Variants in USH2A observed in about 807,000 individuals in gnomAD.
The protein encoded by USH2A is Usher syndrome 2A (autosomal recessive, mild).
Under a neutral mutation model 538.9 loss-of-function variants are expected in USH2A, and 443 were observed. The ratio of observed to expected loss-of-function variants is 0.82; its 90% CI spans 0.76 to 0.89. The LOEUF is 0.89. Ranked by LOEUF, USH2A falls within the 40% of genes least tolerant of loss-of-function variation. The probability of loss-of-function intolerance (pLI) is 0.00; values close to 1 mark genes in which losing one functional copy is unlikely to be tolerated. For missense variants in USH2A, 6,633 were observed against 6,324.8 expected (o/e 1.05, Z -1.65); for synonymous variants, 2,413 against 2,273.5 (o/e 1.06, Z -1.75).
At chr1:216,038,444 C>A (rs544206932) in intron 32 of USH2A, among the ~76,000 whole-genome samples, 25 of 151,846 alleles carry the variant, frequency 1.6e-4, no homozygotes, top group Non-Finnish European at 2.9e-5. Context: ...AAATTGAAAT[C>A]CTCACATTTT....
At chr1:215,886,057 AAGATGTT>A (rs1665045575) in intron 41 of USH2A, among the ~76,000 whole-genome samples, 1 of 152,198 alleles carries the variant, frequency 6.6e-6, no homozygotes, top group Admixed American at 6.5e-5. Flanking sequence ...GGCACTTACA[AAGATGTT>A]CACTCATGTA....
Position 215,674,083 on chromosome 1 carries a change from G to A in USH2A, c.13811+17C>T, listed in dbSNP as rs368044257. ...AGCAGTGGCTTACTCTCAGAAAACC[G>A]AGACATGGCTACCTACCTGTGAAAT... On this transcript the variant is annotated intron_variant, in intron 63 of 71. Coordinates refer to ENST00000307340, the MANE Select transcript of USH2A (RefSeq NM_206933.4). 13 of 1,613,700 alleles carry A rather than the reference G, an allele frequency of 8.1e-6. No homozygotes were observed. The highest frequency in any genetic ancestry group is 8.5e-6 in the Non-Finnish European group (10 of 1,179,978).
chr1:216,024,675 T>C (rs567640727), intron 32 of USH2A, among the ~76,000 whole-genome samples: 27 of 152,142 alleles, frequency 1.8e-4, no homozygotes, highest in African/African-American at 6.0e-4. Flanking sequence ...CATTTATTAA[T>C]TCCATAAGTA....
chr1:215,627,413 C>CTTCCTTCCTTCTTTCCTTCCTTCT (rs1558027236), intron 71 of USH2A, among the ~76,000 whole-genome samples: 2 of 109,086 alleles, frequency 1.8e-5, no homozygotes, highest in African/African-American at 7.1e-5. Context: ...TCCTTCCTTC[C>CTTCCTTCCTTCTTTCCTTCCTTCT]TTCCTTCCTT....
At chr1:215,932,287 A>G (rs1279620170) in intron 38 of USH2A, among the ~76,000 whole-genome samples, 2 of 152,046 alleles carry the variant, frequency 1.3e-5, no homozygotes, top group Non-Finnish European at 2.9e-5. Flanking sequence ...ATATTGGTCC[A>G]TTTATTATTC....
intron 32 of USH2A, among the ~76,000 whole-genome samples, chr1:216,011,345 AC>A (rs1279966012): frequency 6.6e-6 from 1 of 152,084 alleles, no homozygotes; most frequent in Admixed American, 6.6e-5. Flanking sequence ...TCAGCAAATT[AC>A]CTGGGCTGTA....
intron 61 of USH2A, among the ~76,000 whole-genome samples, chr1:215,697,046 G>T (rs1201951884): frequency 1.3e-5 from 2 of 151,934 alleles, no homozygotes; most frequent in African/African-American, 4.8e-5. Flanking sequence ...TTGACCTCCT[G>T]GGCTCAAGCA....
intron 19 of USH2A, chr1:216,195,970 TA>T (rs1475423119): frequency 1.2e-5 from 2 of 172,396 alleles, no homozygotes; most frequent in Non-Finnish European, 2.8e-5. Context: ...AAAGCCTCAG[TA>T]ACTTTTAGCT....
At chr1:216,173,371 C>A (rs1383683177) in intron 21 of USH2A, among the ~76,000 whole-genome samples, 1 of 152,116 alleles carries the variant, frequency 6.6e-6, no homozygotes, top group African/African-American at 2.4e-5. Flanking sequence ...AGGGCATCAG[C>A]AATGTCCCAG....
At chr1:216,274,653 T>G (rs533113374) in intron 11 of USH2A, among the ~76,000 whole-genome samples, 1 of 152,122 alleles carries the variant, frequency 6.6e-6, no homozygotes, top group Admixed American at 6.6e-5. Flanking sequence ...GAATGCCAGG[T>G]GAATAAAGTA....
intron 53 of USH2A, 148 bp downstream of exon 53, chr1:215,782,590 A>T: frequency 2.3e-6 from 2 of 860,700 alleles, no homozygotes; most frequent in Non-Finnish European, 3.6e-6. Flanking sequence ...GTGAGTGATT[A>T]GTTGTCACAT....
At chr1:216,154,221 T>TA (rs1402785362) in intron 21 of USH2A, among the ~76,000 whole-genome samples, 2 of 152,178 alleles carry the variant, frequency 1.3e-5, no homozygotes, top group South Asian at 2.1e-4. Flanking sequence ...CCTATTTCAT[T>TA]AAAAAAAGTT....
intron 9 of USH2A, among the ~76,000 whole-genome samples, chr1:216,298,427 C>T (rs756741772): frequency 6.6e-6 from 1 of 152,110 alleles, no homozygotes; most frequent in Non-Finnish European, 1.5e-5. Flanking sequence ...ATCAAAAAGC[C>T]TAATTGTAAA....
In USH2A at chr1:216,196,736, C is replaced by A; in HGVS notation, c.4082-14G>T. On this transcript the variant is annotated splice_polypyrimidine_tract_variant and intron_variant, in intron 18 of 71. Transcript: ENST00000307340. ...TGAATACAGGTGCTATCAATGAGAA[C>A]AATAACAATAACATCAAAACAATGA... is the stretch of plus-strand genomic sequence containing the variant. 6.2e-7 allele frequency: 1 copy of A among 1,610,572 alleles called. No homozygotes were observed. Among genetic ancestry groups the A allele is most frequent in the Non-Finnish European group, 8.5e-7 (1 of 1,178,078 alleles).
At chr1:216,238,020 A>G (rs1464112937) in intron 13 of USH2A, among the ~76,000 whole-genome samples, 2 of 152,204 alleles carry the variant, frequency 1.3e-5, no homozygotes, top group Non-Finnish European at 2.9e-5. Context: ...TTGATTTTTA[A>G]TGGAACATCA....
At chr1:216,179,948 A>C (rs2034461149) in intron 20 of USH2A, among the ~76,000 whole-genome samples, 2 of 152,086 alleles carry the variant, frequency 1.3e-5, no homozygotes. Flanking sequence ...TTAATGTCTA[A>C]ATCTGTGTGA....
intron 13 of USH2A, among the ~76,000 whole-genome samples, chr1:216,236,851 T>G (rs573884802): frequency 6.6e-6 from 1 of 152,298 alleles, no homozygotes; most frequent in African/African-American, 2.4e-5. Context: ...AGGGAAAACA[T>G]TATTGGAATT....
chr1:216,158,246 AT>A (rs1435008686), intron 21 of USH2A, among the ~76,000 whole-genome samples: 1 of 152,002 alleles, frequency 6.6e-6, no homozygotes, highest in African/African-American at 2.4e-5. Context: ...TATTATTATT[AT>A]TTTTTAGAGA....
At chr1:216,356,579 T>C (rs995567183) in intron 4 of USH2A, among the ~76,000 whole-genome samples, 1 of 152,120 alleles carries the variant, frequency 6.6e-6, no homozygotes, top group Non-Finnish European at 1.5e-5. Context: ...AATTTTGTAC[T>C]ATACAATCTT....
Sources: gnomAD v4.1 joint callset for allele counts (sites outside exome capture counted in the v4.1 genomes callset) on GRCh38, gnomAD v4.1.1 for gene constraint, MANE v1.5 for transcripts, NCBI Gene and HGNC (gene_info 2026-07-23, HGNC 2026-07-21) for gene names.